The following NME7 variants were observed in gnomAD, a reference collection of about 807,000 sequenced individuals.
NME7 encodes NME/NM23 family member 7.
In NME7, 41 loss-of-function variants were observed where a neutral mutation model predicts 49.1. The ratio of observed to expected loss-of-function variants is 0.83; its 90% CI spans 0.65 to 1.08. The LOEUF is 1.08. Among genes scored for constraint, NME7 ranks in the 50% least tolerant of loss-of-function variants. The pLI, the probability that NME7 is intolerant of heterozygous loss-of-function variation, is 0.00. For synonymous variants in NME7, 139 were observed against 150.6 expected (o/e 0.92, Z 0.56); for missense variants, 423 against 463.4 (o/e 0.91, Z 0.80).
At chr1:169,333,178 T>C (rs1395153353) in intron 1 of NME7, among the ~76,000 whole-genome samples, 1 of 152,114 alleles carries the variant, frequency 6.6e-6, no homozygotes, top group East Asian at 1.9e-4. Flanking sequence ...CTGGAGATCA[T>C]TATGTTAAGT....
intron 11 of NME7, among the ~76,000 whole-genome samples, chr1:169,168,647 T>G (rs1283938410): frequency 6.6e-6 from 1 of 152,104 alleles, no homozygotes; most frequent in Non-Finnish European, 1.5e-5. Context: ...AGTGTGGAGG[T>G]ATGGGGTACC....
At position 169,367,772 on chromosome 1, in the gene NME7, C is replaced by G; in HGVS notation, c.-62G>C. 1.2e-6 allele frequency: 2 copies of G among 1,605,868 alleles called. No homozygotes were observed. The highest frequency in any genetic ancestry group is 1.1e-5 in the South Asian group (1 of 90,934). ...TGAGACAGGAAGACACCACCACCACCACCATCATACGGTTACTCAGGCAAC... is the reference window on the plus strand; with the variant it reads ...TGAGACAGGAAGACACCACCACCACGACCATCATACGGTTACTCAGGCAAC... On this transcript the variant is annotated 5_prime_UTR_variant, in exon 1 of 12. Transcript: ENST00000367811.
At chr1:169,366,372 A>T (rs1371116293) in intron 1 of NME7, among the ~76,000 whole-genome samples, 1 of 152,250 alleles carries the variant, frequency 6.6e-6, no homozygotes, top group Non-Finnish European at 1.5e-5. Context: ...TCTGTTTGAT[A>T]TAAGTAAAAA....
At chr1:169,307,848 C>T (rs1294500135) in intron 4 of NME7, among the ~76,000 whole-genome samples, 5 of 151,980 alleles carry the variant, frequency 3.3e-5, no homozygotes, top group Non-Finnish European at 4.4e-5. Flanking sequence ...GGCGAAACTC[C>T]GTCTCTACTA....
intron 10 of NME7, among the ~76,000 whole-genome samples, chr1:169,222,763 C>G (rs1661182900): frequency 6.6e-6 from 1 of 152,098 alleles, no homozygotes; most frequent in South Asian, 2.1e-4. Context: ...GTTGTAAAAA[C>G]TTGACATTTT....
rs141944458 is a variant in NME7, at chr1:169,361,114, G to A, written c.3+6594C>T. Among the ~76,000 whole-genome samples the A allele has an allele frequency of 1.3e-3, 192 of 152,170 alleles. 6 individuals carry two copies. Among genetic ancestry groups the A allele is most frequent in the Middle Eastern group, 6.8e-3 (2 of 292 alleles). On this transcript the variant is annotated intron_variant, in intron 1 of 11. Transcript: ENST00000367811. Reference sequence around the variant, plus strand: ...GTATACCCACCAGTTACCAGTATATGGAAAGTACTCAATAAATACTTTCTC... The same window carrying A: ...GTATACCCACCAGTTACCAGTATATAGAAAGTACTCAATAAATACTTTCTC...
chr1:169,351,963 T>G (rs1653190786), intron 1 of NME7, among the ~76,000 whole-genome samples: 1 of 151,960 alleles, frequency 6.6e-6, no homozygotes, highest in Admixed American at 6.6e-5. Flanking sequence ...GCCCAGGACC[T>G]GATGGCTTCA....
At chr1:169,254,432 C>T (rs936822337) in intron 7 of NME7, among the ~76,000 whole-genome samples, 10 of 151,896 alleles carry the variant, frequency 6.6e-5, no homozygotes, top group Admixed American at 5.2e-4. Flanking sequence ...GTTTTTATTG[C>T]GTCTATTAGA....
At chr1:169,284,652 G>C (rs188341349) in intron 7 of NME7, 1 of 152,130 alleles carries the variant, frequency 6.6e-6, no homozygotes, top group East Asian at 1.9e-4. Context: ...TCACAAAATT[G>C]TTGCCCATGC....
intron 7 of NME7, among the ~76,000 whole-genome samples, chr1:169,255,147 T>G (rs1648863521): frequency 7.3e-6 from 1 of 136,066 alleles, no homozygotes; most frequent in Non-Finnish European, 1.7e-5. Flanking sequence ...TTGATCTGTC[T>G]AATGTTGACA....
chr1:169,200,205 T>C (rs1660507364), intron 10 of NME7, among the ~76,000 whole-genome samples: 1 of 152,000 alleles, frequency 6.6e-6, no homozygotes. Context: ...TGATAAGCAA[T>C]ACTCAATAAA....
chr1:169,355,231 T>C (rs1326201052), intron 1 of NME7, among the ~76,000 whole-genome samples: 1 of 75,898 alleles, frequency 1.3e-5, no homozygotes, highest in Non-Finnish European at 2.4e-5. Flanking sequence ...ATAGATATAA[T>C]ATATAATATA....
intron 1 of NME7, among the ~76,000 whole-genome samples, chr1:169,329,617 TG>T (rs1194602517): frequency 5.9e-5 from 9 of 151,830 alleles, no homozygotes; most frequent in African/African-American, 2.2e-4. Context: ...TTAGTGAGAT[TG>T]AAGACAGGTT....
intron 10 of NME7, among the ~76,000 whole-genome samples, chr1:169,196,297 C>T (rs545996833): frequency 2.1e-4 from 32 of 152,270 alleles, no homozygotes; most frequent in African/African-American, 7.7e-4. Flanking sequence ...GACCATGTAG[C>T]AGCAGCACTC....
chr1:169,254,457 T>C (rs1460504098), intron 7 of NME7, among the ~76,000 whole-genome samples: 1 of 151,894 alleles, frequency 6.6e-6, no homozygotes, highest in African/African-American at 2.4e-5. Flanking sequence ...TCTCTCTTTT[T>C]TTCTTTATTA....
chr1:169,295,263 ACAAAAGTTGCTC>A (rs1477148681), intron 6 of NME7, among the ~76,000 whole-genome samples: 1 of 152,164 alleles, frequency 6.6e-6, no homozygotes, highest in East Asian at 1.9e-4. Context: ...AGCTAACTTA[ACAAAAGTTGCTC>A]CACTACAAGA....
intron 2 of NME7, among the ~76,000 whole-genome samples, chr1:169,324,170 T>TAAC (rs1317401959): frequency 6.6e-6 from 1 of 152,014 alleles, no homozygotes; most frequent in Admixed American, 6.6e-5. Flanking sequence ...TTCAGTCTTC[T>TAAC]AACAACAACA....
chr1:169,147,004 T>A (rs1024718714), intron 11 of NME7, among the ~76,000 whole-genome samples: 1 of 152,192 alleles, frequency 6.6e-6, no homozygotes, highest in Non-Finnish European at 1.5e-5. Flanking sequence ...GTAAGCACAG[T>A]GAAATCACAG....
chr1:169,172,051 G>A (rs553466885), intron 10 of NME7, among the ~76,000 whole-genome samples: 2 of 152,102 alleles, frequency 1.3e-5, no homozygotes, highest in Non-Finnish European at 2.9e-5. Flanking sequence ...AAATGTGAAG[G>A]CGCTGATTTA....
Sources: gnomAD v4.1 joint callset for allele counts (sites outside exome capture counted in the v4.1 genomes callset) on GRCh38, gnomAD v4.1.1 for gene constraint, MANE v1.5 for transcripts, NCBI Gene and HGNC (gene_info 2026-07-23, HGNC 2026-07-21) for gene names.